AFM: variants seen among roughly 807,000 people sequenced by gnomAD.
The protein encoded by AFM is afamin.
AFM carries 82 observed loss-of-function variants against 68.7 expected under a neutral mutation model. The observed-to-expected ratio is 1.19, with a 90% CI of 1.00 to 1.43. The LOEUF (loss-of-function observed/expected upper bound fraction) is 1.43. AFM is among the 40% of genes most tolerant of loss of function. AFM has a pLI of 0.00. For missense variants in AFM, 772 were observed against 701.8 expected (o/e 1.10, Z -1.13); for synonymous variants, 250 against 234.2 (o/e 1.07, Z -0.61).
intron 8 of AFM, among the ~76,000 whole-genome samples, chr4:73,493,689 G>A (rs1721165457): frequency 6.6e-6 from 1 of 152,196 alleles, no homozygotes; most frequent in African/African-American, 2.4e-5. Flanking sequence ...AGTCACACAT[G>A]TGGTGTGGCC....
At chr4:73,485,176 C>G (rs1350905747) in intron 3 of AFM, among the ~76,000 whole-genome samples, 1 of 152,094 alleles carries the variant, frequency 6.6e-6, no homozygotes, top group African/African-American at 2.4e-5. Context: ...TGGGCCTCCT[C>G]CAAGTAGAAT....
At chr4:73,485,712 G>A (rs1720881358) in intron 3 of AFM, 150 bp from the exon 4 acceptor site, 2 of 597,368 alleles carry the variant, frequency 3.3e-6, no homozygotes, top group South Asian at 2.3e-5. Context: ...GGAAGGAGAA[G>A]GGGAAGGGGA....
chr4:73,502,797 A>G (rs1721456525), intron 13 of AFM, among the ~76,000 whole-genome samples: 1 of 152,192 alleles, frequency 6.6e-6, no homozygotes, highest in Non-Finnish European at 1.5e-5. Context: ...AAAGGATATT[A>G]ATCAATATCT....
At chr4:73,490,539 C>G (rs1324039373) in intron 7 of AFM, among the ~76,000 whole-genome samples, 3 of 152,136 alleles carry the variant, frequency 2.0e-5, no homozygotes, top group African/African-American at 7.2e-5. Flanking sequence ...CCTGCCTCAG[C>G]CTCCTGAGTA....
At chr4:73,501,751 C>A (rs773293743) in intron 12 of AFM, 36 bp from the exon 13 acceptor site, 1 of 1,593,172 alleles carries the variant, frequency 6.3e-7, no homozygotes, top group Non-Finnish European at 8.6e-7. Flanking sequence ...AGAAAGAAAG[C>A]GTTAATTAAT....
intron 10 of AFM, among the ~76,000 whole-genome samples, chr4:73,498,280 T>TATTATTATC (rs1721313665): frequency 6.6e-6 from 1 of 151,860 alleles, no homozygotes; most frequent in African/African-American, 2.4e-5. Flanking sequence ...TTATTATTGT[T>TATTATTATC]ATTATTATCA....
At chr4:73,485,565 G>A (rs1720868447) in intron 3 of AFM, among the ~76,000 whole-genome samples, 1 of 147,772 alleles carries the variant, frequency 6.8e-6, no homozygotes, top group East Asian at 2.0e-4. Context: ...GGAGGAGAAG[G>A]AGAAGGAGAA....
intron 3 of AFM, among the ~76,000 whole-genome samples, chr4:73,485,472 T>G (rs147046342): frequency 1.1e-3 from 173 of 152,144 alleles, no homozygotes; most frequent in African/African-American, 4.0e-3. Context: ...GAGGATCACT[T>G]GAGCCCAGGA....
chr4:73,485,484 T>C (rs915245252), intron 3 of AFM, among the ~76,000 whole-genome samples: 59 of 151,600 alleles, frequency 3.9e-4, no homozygotes, highest in Middle Eastern at 3.4e-3. Flanking sequence ...AGCCCAGGAG[T>C]TCGAATCTAG....
intron 4 of AFM, among the ~76,000 whole-genome samples, chr4:73,486,604 T>C (rs1720908525): frequency 6.6e-6 from 1 of 152,166 alleles, no homozygotes; most frequent in Non-Finnish European, 1.5e-5. Flanking sequence ...TCTTTGAACA[T>C]GGAAGAGAGA....
chr4:73,499,932 A>G, intron 11 of AFM, 72 bp from the exon 12 acceptor site: 1 of 1,276,496 alleles, frequency 7.8e-7, no homozygotes, highest in Non-Finnish European at 1.1e-6. Flanking sequence ...CTAAGTATTC[A>G]TCTAACCATA....
intron 7 of AFM, among the ~76,000 whole-genome samples, chr4:73,489,870 G>A (rs78319750): frequency 5.1e-4 from 78 of 152,188 alleles, no homozygotes; most frequent in African/African-American, 1.5e-3. Context: ...TCATGCATGC[G>A]GGGCTTAAAA....
chr4:73,481,830 T>C lies in AFM; in HGVS notation c.55T>C (p.Ser19Pro). 2 of 1,608,720 alleles carry C rather than the reference T, an allele frequency of 1.2e-6. No individual in the cohort carries two copies. The highest frequency in any genetic ancestry group is 2.2e-5 in the South Asian group (2 of 89,618). ...FIFFLFFLTE[S>P]LTLPTQPRDI... is the part of the protein sequence containing the mutation. ...TTTTTTCTTGTTTTTTTTGACTGAA[T>C]CCCTAACCCTGCCCACACAACCTCG... The change falls in exon 1 of 15, where the codon TCC becomes CCC. Residue 19 changes from serine to proline, a missense_variant. Ser to Pro is a moderately conservative substitution (Grantham distance 74). Coordinates refer to ENST00000226355, the MANE Select transcript of AFM (RefSeq NM_001133.2).
intron 1 of AFM, among the ~76,000 whole-genome samples, chr4:73,482,396 C>A (rs906004943): frequency 2.6e-5 from 4 of 152,202 alleles, no homozygotes; most frequent in African/African-American, 9.7e-5. Context: ...ATATTTTGAA[C>A]CTCATATGTC....
chr4:73,481,863 G>A lies in AFM; in HGVS notation c.88G>A (p.Glu30Lys). 1.3e-6 allele frequency: 2 copies of A among 1,579,920 alleles called. No homozygotes were observed. Among genetic ancestry groups the A allele is most frequent in the Non-Finnish European group, 1.7e-6 (2 of 1,158,392 alleles). Residue 30 changes from glutamate to lysine, a missense_variant and splice_region_variant, in exon 1 of 15, where the codon GAG becomes AAG. Glu to Lys is a moderately conservative substitution (Grantham distance 56). Coordinates refer to ENST00000226355, the MANE Select transcript of AFM (RefSeq NM_001133.2). The stretch of plus-strand genomic sequence containing the variant: ...CCTGCCCACACAACCTCGGGATATA[G>A]GTAAGAAATTTACTTGTATATCAGC... ...LTLPTQPRDI[E>K]NFNSTQKFIE...
At chr4:73,491,221 A>C (rs1297180909) in intron 7 of AFM, among the ~76,000 whole-genome samples, 1 of 152,222 alleles carries the variant, frequency 6.6e-6, no homozygotes, top group Non-Finnish European at 1.5e-5. Flanking sequence ...AGAGGTTAGA[A>C]CTGGGGCAAT....
chr4:73,494,305 A>G (rs1033223970), intron 8 of AFM, among the ~76,000 whole-genome samples: 3 of 152,136 alleles, frequency 2.0e-5, no homozygotes, highest in Non-Finnish European at 4.4e-5. Flanking sequence ...GGAGGGGATG[A>G]AAAGAGTTAC....
At chr4:73,484,458 CTTTCTTTCT>C in intron 3 of AFM, 68 bp downstream of exon 3, 1 of 462,144 alleles carries the variant, frequency 2.2e-6, no homozygotes, top group Non-Finnish European at 3.8e-6. Context: ...TTCTTTCTTT[CTTTCTTTCT>C]TTCTTTCTTT....
chr4:73,494,903 G>T (rs78870670), intron 8 of AFM, among the ~76,000 whole-genome samples: 1 of 152,132 alleles, frequency 6.6e-6, no homozygotes, highest in Non-Finnish European at 1.5e-5. Flanking sequence ...CATTGTGGGC[G>T]GGAAGGAAGC....
Sources: gnomAD v4.1 joint callset for allele counts (sites outside exome capture counted in the v4.1 genomes callset) on GRCh38, gnomAD v4.1.1 for gene constraint, MANE v1.5 for transcripts, NCBI Gene and HGNC (gene_info 2026-07-23, HGNC 2026-07-21) for gene names.